Variants in SPOP observed in about 807,000 individuals in gnomAD.
The protein encoded by SPOP is speckle type BTB/POZ protein, also known as speckle-type POZ protein.
A neutral mutation model predicts 45.6 loss-of-function variants in SPOP; 11 were observed. The observed-to-expected ratio is 0.24, with a 90% CI of 0.15 to 0.40. The LOEUF (loss-of-function observed/expected upper bound fraction) is 0.40. Ranked by LOEUF, SPOP falls within the 10% of genes least tolerant of loss-of-function variation. SPOP has a pLI of 1.00. For synonymous variants in SPOP, 166 were observed against 166.3 expected (o/e 1.00, Z 0.01); for missense variants, 152 against 465.6 (o/e 0.33, Z 6.20).
intron 1 of SPOP, among the ~76,000 whole-genome samples, chr17:49,630,545 T>C (rs1391312763): frequency 1.3e-5 from 2 of 152,188 alleles, no homozygotes; most frequent in Non-Finnish European, 2.9e-5. Flanking sequence ...TTCTCTTATG[T>C]CTTTTATCGG....
In SPOP at chr17:49,624,881, A is replaced by T. The variant is rs181959414; in HGVS notation, c.-66-2005T>A. On this transcript the variant is annotated intron_variant, in intron 1 of 9. Transcript: ENST00000504102. Reference sequence around the variant, plus strand: ...AAAGCTTGTAACACATGACAAAGGGACTTAATAAAAAATTGATATATAAAT... The same window carrying T: ...AAAGCTTGTAACACATGACAAAGGGTCTTAATAAAAAATTGATATATAAAT... Among the ~76,000 whole-genome samples, 5 of 151,976 alleles carry T rather than the reference A, an allele frequency of 3.3e-5. No individual in the cohort carries two copies. The East Asian group carries it at 9.7e-4, about 29-fold the overall frequency.
intron 5 of SPOP, chr17:49,618,427 T>C: frequency 2.5e-6 from 1 of 394,738 alleles, no homozygotes; most frequent in Non-Finnish European, 5.0e-6. Flanking sequence ...CCTAACTGAC[T>C]ACAGATAACT....
chr17:49,605,975 C>G (rs2071835122), intron 8 of SPOP, among the ~76,000 whole-genome samples: 1 of 148,872 alleles, frequency 6.7e-6, no homozygotes, highest in African/African-American at 2.5e-5. Context: ...GTGACAAAAG[C>G]AAGACTCCCT....
At chr17:49,624,112 T>C (rs774328228) in intron 1 of SPOP, among the ~76,000 whole-genome samples, 1 of 152,022 alleles carries the variant, frequency 6.6e-6, no homozygotes, top group Non-Finnish European at 1.5e-5. Flanking sequence ...ACCAAAGCCA[T>C]TAAAAAAACT....
At chr17:49,602,283 A>G (rs1313492572) in intron 8 of SPOP, 1 of 297,126 alleles carries the variant, frequency 3.4e-6, no homozygotes, top group African/African-American at 2.2e-5. Flanking sequence ...GTAGATCTGC[A>G]TCCTGAAGTT....
At chr17:49,668,617 G>C (rs974175976) in intron 1 of SPOP, among the ~76,000 whole-genome samples, 1 of 151,802 alleles carries the variant, frequency 6.6e-6, no homozygotes, top group Non-Finnish European at 1.5e-5. Context: ...AAGTATCTGG[G>C]GGCAAATATA....
chr17:49,667,404 A>C (rs779321622), intron 1 of SPOP, among the ~76,000 whole-genome samples: 2 of 151,562 alleles, frequency 1.3e-5, no homozygotes, highest in Non-Finnish European at 2.9e-5. Context: ...AGCCCGGTCA[A>C]CATGGCGAAA....
chr17:49,607,503 T>C lies in SPOP; in HGVS notation c.715-131A>G. On this transcript the variant is annotated intron_variant, in intron 7 of 9. Coordinates refer to ENST00000504102, the MANE Select transcript of SPOP (RefSeq NM_001007228.2). ...TTTAAAACCTAACATTAATGGAAAA[T>C]TTCTTTGCCCGGCTTGATTATAATA... 4.1e-6 allele frequency: 5 copies of C among 1,216,680 alleles called. No individual in the cohort carries two copies. The South Asian group carries it at 8.7e-5, about 21-fold the overall frequency. The allele number at this position is 1,216,680 out of a possible 1,614,324, so 75.4% of individuals were successfully genotyped here.
chr17:49,665,662 ACACAC>A (rs2073047512), intron 1 of SPOP, among the ~76,000 whole-genome samples: 3 of 98,976 alleles, frequency 3.0e-5, no homozygotes, highest in Admixed American at 2.0e-4. Flanking sequence ...ACACACACAC[ACACAC>A]ACACACACAC....
At chr17:49,648,578 T>A (rs900005216) in intron 1 of SPOP, among the ~76,000 whole-genome samples, 4 of 152,140 alleles carry the variant, frequency 2.6e-5, no homozygotes, top group African/African-American at 9.7e-5. Context: ...TGTGACTTAA[T>A]CCTCTACACT....
chr17:49,633,069 A>G (rs929334306), intron 1 of SPOP, among the ~76,000 whole-genome samples: 3 of 152,248 alleles, frequency 2.0e-5, no homozygotes, highest in Non-Finnish European at 2.9e-5. Flanking sequence ...ACTGTTGTAT[A>G]TAAGGAAAAC....
At chr17:49,669,211 C>T (rs2073104598) in intron 1 of SPOP, among the ~76,000 whole-genome samples, 2 of 151,640 alleles carry the variant, frequency 1.3e-5, no homozygotes, top group Admixed American at 6.6e-5. Context: ...GGAATACAGG[C>T]GCCCGCCATC....
At chr17:49,643,484 T>TC (rs1266914421) in intron 1 of SPOP, among the ~76,000 whole-genome samples, 3 of 152,232 alleles carry the variant, frequency 2.0e-5, no homozygotes, top group African/African-American at 7.2e-5. Context: ...TGAAGACATA[T>TC]TTTTTAAATG....
chr17:49,652,571 T>C (rs1279178128), intron 1 of SPOP, among the ~76,000 whole-genome samples: 2 of 152,158 alleles, frequency 1.3e-5, no homozygotes, highest in African/African-American at 4.8e-5. Context: ...GTACATAAAA[T>C]TTCCTCCTCT....
chr17:49,645,655 C>A (rs1450053014), intron 1 of SPOP, among the ~76,000 whole-genome samples: 1 of 152,032 alleles, frequency 6.6e-6, no homozygotes, highest in African/African-American at 2.4e-5. Flanking sequence ...TCATAAAGAC[C>A]ATAAATCCTT....
intron 1 of SPOP, among the ~76,000 whole-genome samples, chr17:49,629,963 C>T (rs2072418762): frequency 6.6e-6 from 1 of 152,138 alleles, no homozygotes; most frequent in Non-Finnish European, 1.5e-5. Flanking sequence ...TCAGCAATTT[C>T]ATGTGGTTCA....
intron 6 of SPOP, among the ~76,000 whole-genome samples, chr17:49,610,840 T>A (rs2071957239): frequency 6.6e-6 from 1 of 152,022 alleles, no homozygotes; most frequent in Non-Finnish European, 1.5e-5. Context: ...GGGGCAAGAG[T>A]TTCATTCTTC....
chr17:49,633,409 G>A (rs1163759528), intron 1 of SPOP, among the ~76,000 whole-genome samples: 1 of 152,188 alleles, frequency 6.6e-6, no homozygotes, highest in East Asian at 1.9e-4. Context: ...CAGGCTTACT[G>A]CTCTTCTTTC....
chr17:49,655,575 A>G (rs2072898476), intron 1 of SPOP, among the ~76,000 whole-genome samples: 1 of 152,106 alleles, frequency 6.6e-6, no homozygotes, highest in Admixed American at 6.5e-5. Context: ...AATTTTTCCT[A>G]TAGATTTACA....
Sources: allele counts gnomAD v4.1 joint callset (sites outside exome capture counted in the v4.1 genomes callset), GRCh38; gene constraint gnomAD v4.1.1; transcripts MANE v1.5; gene names NCBI Gene and HGNC (gene_info 2026-07-23, HGNC 2026-07-21).